GTF2F2: variants seen among roughly 807,000 people sequenced by gnomAD.
GTF2F2 encodes the protein general transcription factor IIF subunit 2.
In GTF2F2, 23 loss-of-function variants were observed where a neutral mutation model predicts 42.2. That is an observed-to-expected ratio of 0.55 (90% CI 0.39 to 0.77). The LOEUF (loss-of-function observed/expected upper bound fraction) is 0.77. GTF2F2 is among the 30% of genes least tolerant of loss of function. The pLI is 0.00. For missense variants in GTF2F2, 261 were observed against 287.2 expected, an observed-to-expected ratio of 0.91 and a Z score of 0.66; for synonymous variants, 105 against 100.8, an observed-to-expected ratio of 1.04 and a Z score of -0.25.
chr13:45,174,065 A>T (rs530132478), intron 4 of GTF2F2, among the ~76,000 whole-genome samples: 6 of 152,098 alleles, frequency 3.9e-5, no homozygotes, highest in Non-Finnish European at 8.8e-5. Context: ...TGAGTATTCC[A>T]TGGTATGGAT....
chr13:45,194,483 T>A, intron 4 of GTF2F2: 1 of 1,614,200 alleles, frequency 6.2e-7, no homozygotes, highest in Non-Finnish European at 8.5e-7. Context: ...GATTTGCAGT[T>A]CTTTCCTTGA....
chr13:45,155,887 C>T (rs762447773), intron 4 of GTF2F2, among the ~76,000 whole-genome samples: 21 of 152,114 alleles, frequency 1.4e-4, no homozygotes, highest in Non-Finnish European at 2.4e-4. Flanking sequence ...TTTGTATTTA[C>T]TATTTATTGG....
intron 7 of GTF2F2, among the ~76,000 whole-genome samples, chr13:45,278,104 G>T (rs1311561698): frequency 6.6e-6 from 1 of 152,192 alleles, no homozygotes; most frequent in East Asian, 1.9e-4. Flanking sequence ...GTTTGACAGA[G>T]CAGGAGAAGA....
chr13:45,124,876 C>T (rs1164085535), intron 1 of GTF2F2, among the ~76,000 whole-genome samples: 3 of 151,936 alleles, frequency 2.0e-5, no homozygotes, highest in Non-Finnish European at 4.4e-5. Context: ...GACAGGGTTT[C>T]ACCATGTTGG....
chr13:45,241,803 T>A (rs1875324626), intron 5 of GTF2F2, among the ~76,000 whole-genome samples: 1 of 152,196 alleles, frequency 6.6e-6, no homozygotes, highest in Admixed American at 6.5e-5. Context: ...TTTTCCTCCT[T>A]ATTTATTTAT....
chr13:45,205,563 A>C (rs1273462352), intron 4 of GTF2F2, among the ~76,000 whole-genome samples: 6 of 152,344 alleles, frequency 3.9e-5, no homozygotes, highest in Non-Finnish European at 4.4e-5. Flanking sequence ...CTCTGTTGCC[A>C]GGCTGGAGTG....
At chr13:45,262,661 C>T (rs984480161) in intron 6 of GTF2F2, among the ~76,000 whole-genome samples, 11 of 152,118 alleles carry the variant, frequency 7.2e-5, no homozygotes, top group East Asian at 1.9e-4. Flanking sequence ...TCAAGCGATC[C>T]GCCCACCCCA....
At chr13:45,174,672 T>A (rs1871785852) in intron 4 of GTF2F2, among the ~76,000 whole-genome samples, 1 of 150,378 alleles carries the variant, frequency 6.6e-6, no homozygotes, top group Non-Finnish European at 1.5e-5. Flanking sequence ...AATAGTTTTA[T>A]TACTTACAGG....
chr13:45,198,252 C>G (rs774061139), intron 4 of GTF2F2, among the ~76,000 whole-genome samples: 5 of 152,224 alleles, frequency 3.3e-5, no homozygotes, highest in Admixed American at 6.5e-5. Flanking sequence ...TTTTTACCAA[C>G]TCCTTATGGG....
intron 4 of GTF2F2, among the ~76,000 whole-genome samples, chr13:45,189,532 A>G (rs541148623): frequency 3.3e-5 from 5 of 152,354 alleles, no homozygotes; most frequent in Non-Finnish European, 5.9e-5. Context: ...GTGTAAAAGC[A>G]TTCCTATTTC....
In GTF2F2 at chr13:45,284,788, A is replaced by G. The variant is rs1485674798; in HGVS notation, c.*1227A>G. ...ATCCATTGAGAAAAACAATTTTTAT[A>G]TTATTTGCTTTTAGCAGCAAAGCAT... On this transcript the variant is annotated 3_prime_UTR_variant, in exon 8 of 8. Transcript: ENST00000340473. The G allele has an allele frequency of 6.6e-6, 1 of 152,236 alleles. No homozygotes were observed. Among genetic ancestry groups the G allele is most frequent in the African/African-American group, 2.4e-5 (1 of 41,462 alleles). 9.4% of individuals were successfully genotyped at this position (152,236 alleles called of 1,614,324 possible).
At chr13:45,195,576 A>G (rs1872849861) in intron 4 of GTF2F2, among the ~76,000 whole-genome samples, 1 of 152,170 alleles carries the variant, frequency 6.6e-6, no homozygotes, top group South Asian at 2.1e-4. Flanking sequence ...AAATCACCAA[A>G]GCCTAACCTT....
chr13:45,194,529 C>T (rs1235523828), intron 4 of GTF2F2: 2 of 1,613,264 alleles, frequency 1.2e-6, no homozygotes, highest in Admixed American at 1.7e-5. Context: ...TCCCTTCATA[C>T]TCCTTTTCTT....
Position 45,245,991 on chromosome 13 carries a change from A to ATTAT in GTF2F2, c.387-6857_387-6854dup, listed in dbSNP as rs143999940. Among the ~76,000 whole-genome samples the ATTAT allele has an allele frequency of 7.7e-3, 1,090 of 140,904 alleles. 10 individuals carry two copies. The highest frequency in any genetic ancestry group is 0.024 in the African/African-American group (940 of 38,780). 92.4% of individuals were successfully genotyped at this position (140,904 alleles called of 152,430 possible). On this transcript the variant is annotated intron_variant, in intron 5 of 7. Transcript: ENST00000340473. Reference sequence around the variant, plus strand: ...TTTCACCACATCCACGCCAACATCTATTATTTATTTATTTATTTATTTATT... The same window carrying ATTAT: ...TTTCACCACATCCACGCCAACATCTATTATTTATTTATTTATTTATTTATTTATT...
chr13:45,181,303 G>A (rs913800957), intron 4 of GTF2F2, among the ~76,000 whole-genome samples: 4 of 151,742 alleles, frequency 2.6e-5, no homozygotes, highest in South Asian at 2.1e-4. Context: ...AAAAGGAAAG[G>A]GTCATACTTT....
chr13:45,202,019 C>T (rs2138183914), intron 4 of GTF2F2, among the ~76,000 whole-genome samples: 1 of 152,270 alleles, frequency 6.6e-6, no homozygotes, highest in Admixed American at 6.5e-5. Context: ...AGTACTCTTC[C>T]TTCTTACCCC....
At chr13:45,196,358 A>T (rs891620845) in intron 4 of GTF2F2, among the ~76,000 whole-genome samples, 2 of 152,160 alleles carry the variant, frequency 1.3e-5, no homozygotes, top group South Asian at 4.1e-4. Flanking sequence ...CTCCTGCAGC[A>T]CTTAATAAGA....
chr13:45,126,242 C>G (rs1019112207), intron 1 of GTF2F2, among the ~76,000 whole-genome samples: 2 of 144,870 alleles, frequency 1.4e-5, no homozygotes, highest in African/African-American at 5.2e-5. Context: ...AAGGGAAGAA[C>G]GACTTTTTTT....
At chr13:45,234,223 A>C (rs1316157522) in intron 5 of GTF2F2, among the ~76,000 whole-genome samples, 1 of 152,246 alleles carries the variant, frequency 6.6e-6, no homozygotes, top group African/African-American at 2.4e-5. Flanking sequence ...CTATAATAAT[A>C]GTCATTCTGT....
Sources: gnomAD v4.1 joint callset for allele counts (sites outside exome capture counted in the v4.1 genomes callset) on GRCh38, gnomAD v4.1.1 for gene constraint, MANE v1.5 for transcripts, NCBI Gene and HGNC (gene_info 2026-07-23, HGNC 2026-07-21) for gene names.